Variants in MAST4 observed in about 807,000 individuals in gnomAD.
MAST4 encodes the protein microtubule-associated serine/threonine-protein kinase 4.
MAST4 carries 89 observed loss-of-function variants against 162.7 expected under a neutral mutation model. The ratio of observed to expected loss-of-function variants is 0.55; its 90% CI spans 0.46 to 0.65. The LOEUF (loss-of-function observed/expected upper bound fraction) is 0.65, where lower values mean the gene tolerates loss of function less well. Among genes scored for constraint, MAST4 ranks in the 30% least tolerant of loss-of-function variants. The probability of loss-of-function intolerance (pLI) is 0.00; values close to 1 mark genes in which losing one functional copy is unlikely to be tolerated. For synonymous variants in MAST4, 1,479 were observed against 1,361.1 expected (o/e 1.09, Z -1.91); for missense variants, 3,153 against 3,374.0 (o/e 0.93, Z 1.62).
intron 3 of MAST4, among the ~76,000 whole-genome samples, chr5:66,853,567 G>A (rs1759466178): frequency 6.6e-6 from 1 of 152,166 alleles, no homozygotes; most frequent in Non-Finnish European, 1.5e-5. Context: ...GTTCAGTAAT[G>A]CTTACATGTT....
At chr5:67,033,059 A>C (rs1252509123) in intron 4 of MAST4, among the ~76,000 whole-genome samples, 1 of 152,072 alleles carries the variant, frequency 6.6e-6, no homozygotes, top group African/African-American at 2.4e-5. Flanking sequence ...ATTAAGAATG[A>C]ATGGTCATAC....
At chr5:67,104,653 T>C (rs1360321640) in intron 10 of MAST4, 78 bp downstream of exon 10, 5 of 1,090,292 alleles carry the variant, frequency 4.6e-6, no homozygotes, top group Non-Finnish European at 5.3e-6. Flanking sequence ...TTACAAGTTA[T>C]AACCATGAAA....
chr5:67,153,280 C>A (rs1772068564), intron 25 of MAST4, among the ~76,000 whole-genome samples, 178 bp from the exon 26 acceptor site: 1 of 151,962 alleles, frequency 6.6e-6, no homozygotes, highest in South Asian at 2.1e-4. Flanking sequence ...TTCTAAGTAC[C>A]ATAGAAAGTT....
chr5:66,949,027 G>A (rs551132849), intron 4 of MAST4, among the ~76,000 whole-genome samples: 2 of 152,084 alleles, frequency 1.3e-5, no homozygotes, highest in East Asian at 1.9e-4. Flanking sequence ...AAGGTAAGCT[G>A]GAGTTACTTG....
chr5:67,024,685 C>T (rs1754425341), intron 4 of MAST4, among the ~76,000 whole-genome samples: 1 of 151,826 alleles, frequency 6.6e-6, no homozygotes, highest in Non-Finnish European at 1.5e-5. Flanking sequence ...TTTTGAATAC[C>T]TTGAATGAAG....
intron 7 of MAST4, among the ~76,000 whole-genome samples, chr5:67,096,068 T>C (rs1764433183): frequency 6.6e-6 from 1 of 151,972 alleles, no homozygotes; most frequent in Non-Finnish European, 1.5e-5. Flanking sequence ...GTGGCTTAGA[T>C]AGAGGTTTGT....
intron 3 of MAST4, among the ~76,000 whole-genome samples, chr5:66,866,787 A>T (rs1046122574): frequency 6.6e-6 from 1 of 152,328 alleles, no homozygotes; most frequent in African/African-American, 2.4e-5. Flanking sequence ...GTCTCGCCCC[A>T]TCATCCAGGC....
chr5:66,648,071 TGTGTGTGTGTGTGAGAGA>T (rs1301993612), intron 1 of MAST4, among the ~76,000 whole-genome samples: 12 of 90,044 alleles, frequency 1.3e-4, no homozygotes, highest in African/African-American at 5.0e-4. Flanking sequence ...TGTGTGTGTG[TGTGTGTGTGTGTGAGAGA>T]GAGAGAGAGA....
chr5:66,835,213 A>G (rs1177131793), intron 3 of MAST4, among the ~76,000 whole-genome samples: 1 of 152,152 alleles, frequency 6.6e-6, no homozygotes, highest in Admixed American at 6.6e-5. Context: ...CCTGTCTCTT[A>G]TATTAGGCCC....
intron 3 of MAST4, among the ~76,000 whole-genome samples, chr5:66,885,757 A>G (rs1761996674): frequency 1.3e-5 from 2 of 152,220 alleles, no homozygotes; most frequent in Non-Finnish European, 2.9e-5. Context: ...ATTTAAATTT[A>G]TTACTAGTTT....
chr5:66,748,379 CCCTT>C (rs1455922869), intron 1 of MAST4, among the ~76,000 whole-genome samples: 2 of 149,248 alleles, frequency 1.3e-5, no homozygotes, highest in African/African-American at 2.5e-5. Context: ...TTTATAGGAC[CCCTT>C]CCTTCCTTCT....
At chr5:67,090,907 C>G (rs752558187) in intron 6 of MAST4, among the ~76,000 whole-genome samples, 27 of 152,028 alleles carry the variant, frequency 1.8e-4, no homozygotes, top group Non-Finnish European at 3.8e-4. Context: ...TGCAATCCTT[C>G]ACCTTCCTGG....
chr5:66,767,717 C>T (rs1172000001), intron 2 of MAST4, among the ~76,000 whole-genome samples: 1 of 152,062 alleles, frequency 6.6e-6, no homozygotes, highest in Non-Finnish European at 1.5e-5. Context: ...AGAGCCAGTC[C>T]GAGTCCCAAA....
intron 1 of MAST4, among the ~76,000 whole-genome samples, chr5:66,713,248 G>A (rs1005741390): frequency 4.6e-5 from 7 of 152,156 alleles, no homozygotes; most frequent in East Asian, 1.9e-4. Flanking sequence ...CAGCCCACCT[G>A]GAAGGTACCC....
intron 1 of MAST4, among the ~76,000 whole-genome samples, chr5:66,677,534 G>T (rs1015185005): frequency 2.0e-5 from 3 of 152,122 alleles, no homozygotes; most frequent in Non-Finnish European, 4.4e-5. Context: ...CCTACTGAGT[G>T]TCAGGGTACT....
intron 1 of MAST4, among the ~76,000 whole-genome samples, chr5:66,718,427 G>A (rs1234725495): frequency 6.6e-6 from 1 of 152,038 alleles, no homozygotes; most frequent in Non-Finnish European, 1.5e-5. Context: ...CCCCATGAGT[G>A]CCTGGGCCAG....
intron 1 of MAST4, among the ~76,000 whole-genome samples, chr5:66,627,967 T>A (rs1744547072): frequency 6.6e-6 from 1 of 152,148 alleles, no homozygotes; most frequent in Non-Finnish European, 1.5e-5. Flanking sequence ...CTATTTTATG[T>A]TGCTAAAAAC....
intron 3 of MAST4, among the ~76,000 whole-genome samples, chr5:66,824,276 G>T (rs1487177383): frequency 1.3e-5 from 2 of 152,200 alleles, no homozygotes; most frequent in African/African-American, 4.8e-5. Flanking sequence ...CACATTCCTA[G>T]CACACCAAGA....
intron 4 of MAST4, among the ~76,000 whole-genome samples, chr5:66,947,229 A>G (rs1744139870): frequency 6.6e-6 from 1 of 152,038 alleles, no homozygotes; most frequent in African/African-American, 2.4e-5. Context: ...GAAAATGAGT[A>G]TATTTTTTCT....
Sources: allele counts gnomAD v4.1 joint callset (sites outside exome capture counted in the v4.1 genomes callset), GRCh38; gene constraint gnomAD v4.1.1; transcripts MANE v1.5; gene names NCBI Gene and HGNC (gene_info 2026-07-23, HGNC 2026-07-21).